SYN3: variants seen among roughly 807,000 people sequenced by gnomAD.
SYN3 encodes synapsin-3.
Under a neutral mutation model 65.8 loss-of-function variants are expected in SYN3, and 35 were observed. The ratio of observed to expected loss-of-function variants is 0.53; its 90% CI spans 0.41 to 0.70. SYN3 has a LOEUF of 0.70. Among genes scored for constraint, SYN3 ranks in the 30% least tolerant of loss-of-function variants. The pLI, the probability that SYN3 is intolerant of heterozygous loss-of-function variation, is 0.00. For synonymous variants in SYN3, 270 were observed against 292.9 expected, an observed-to-expected ratio of 0.92 and a Z score of 0.80; for missense variants, 680 against 749.0, an observed-to-expected ratio of 0.91 and a Z score of 1.08.
At chr22:32,674,386 A>G (rs2060412429) in intron 6 of SYN3, among the ~76,000 whole-genome samples, 1 of 152,162 alleles carries the variant, frequency 6.6e-6, no homozygotes, top group Non-Finnish European at 1.5e-5. Context: ...TCTCATGCAA[A>G]TCTGCCACCA....
chr22:32,991,478 G>A (rs1011647993), intron 2 of SYN3, among the ~76,000 whole-genome samples: 5 of 152,148 alleles, frequency 3.3e-5, no homozygotes, highest in Non-Finnish European at 7.4e-5. Flanking sequence ...AACTGGCTGC[G>A]GGGCCTGCAG....
intron 7 of SYN3, among the ~76,000 whole-genome samples, chr22:32,579,703 C>T (rs1271620326): frequency 1.3e-5 from 2 of 152,160 alleles, no homozygotes; most frequent in African/African-American, 4.8e-5. Context: ...GTGTCCTTGC[C>T]CCAGCCGCTT....
At position 33,006,477 on chromosome 22, in the gene SYN3, G is replaced by A; in HGVS notation, c.186C>T (p.Ser62=). The A allele has an allele frequency of 1.9e-6, 3 of 1,614,212 alleles. No individual in the cohort carries two copies. The South Asian group carries it at 3.3e-5, about 18-fold the overall frequency. ...GGGCCTGCTTCATGGCACTGGAGAG[G>A]GAGCTAAAAAGGCTGGATCCTGGAG... The part of the protein sequence containing the change: ...FSSPGSSLFS[S]LSSAMKQAPQ... Residue 62 remains serine (S), a synonymous_variant, in exon 2 of 14, where the codon TCC becomes TCT. Coordinates refer to ENST00000358763, the MANE Select transcript of SYN3 (RefSeq NM_003490.4).
intron 2 of SYN3, among the ~76,000 whole-genome samples, chr22:32,989,952 T>C (rs1233217601): frequency 1.3e-5 from 2 of 151,688 alleles, no homozygotes; most frequent in African/African-American, 4.8e-5. Context: ...ACACTCTTCA[T>C]ACCACAGAAA....
chr22:32,676,733 C>T (rs1457151455), intron 6 of SYN3, among the ~76,000 whole-genome samples: 3 of 147,846 alleles, frequency 2.0e-5, no homozygotes, highest in Non-Finnish European at 3.0e-5. Flanking sequence ...TTAGTAGAGA[C>T]GGGGTTTCAC....
At chr22:32,981,453 C>T (rs905385242) in intron 2 of SYN3, among the ~76,000 whole-genome samples, 11 of 151,708 alleles carry the variant, frequency 7.3e-5, no homozygotes, top group African/African-American at 2.7e-4. Context: ...GGCATGGTGG[C>T]ACATGCATGT....
In SYN3 at chr22:32,786,523, C is replaced by T. The variant is rs565411812; in HGVS notation, c.711+78392G>A. On this transcript the variant is annotated intron_variant, in intron 6 of 13. Coordinates refer to ENST00000358763, the MANE Select transcript of SYN3 (RefSeq NM_003490.4). ...GACTACAGGTGCCCGCCACCACGCCCGGCAAATTTTTTGTATTTTTCATAG... is the reference window on the plus strand; with the variant it reads ...GACTACAGGTGCCCGCCACCACGCCTGGCAAATTTTTTGTATTTTTCATAG... 1.2e-4 allele frequency among the ~76,000 whole-genome samples: 19 copies of T among 152,118 alleles called. No individual in the cohort carries two copies. In the South Asian group the frequency reaches 2.5e-3, roughly 20 times the overall value.
intron 6 of SYN3, among the ~76,000 whole-genome samples, chr22:32,728,966 C>G (rs1249023116): frequency 6.6e-6 from 1 of 152,202 alleles, no homozygotes; most frequent in Non-Finnish European, 1.5e-5. Context: ...TGCCTGGGAA[C>G]TGACCACAGA....
chr22:32,749,230 C>CT (rs1294203071), intron 6 of SYN3, among the ~76,000 whole-genome samples: 14 of 151,912 alleles, frequency 9.2e-5, no homozygotes, highest in Non-Finnish European at 1.8e-4. Context: ...TTTCTGGGGT[C>CT]TTTTTTACAA....
intron 3 of SYN3, among the ~76,000 whole-genome samples, chr22:32,971,448 G>A (rs1030855147): frequency 1.3e-5 from 2 of 152,200 alleles, no homozygotes; most frequent in Non-Finnish European, 2.9e-5. Flanking sequence ...ACAAAACAAG[G>A]CTTAGTGGAT....
At chr22:32,875,136 T>C (rs2048949817) in intron 4 of SYN3, among the ~76,000 whole-genome samples, 1 of 152,146 alleles carries the variant, frequency 6.6e-6, no homozygotes, top group African/African-American at 2.4e-5. Context: ...AGAAATTAGG[T>C]GGCAGCCAAC....
chr22:32,955,465 C>T (rs936207456), intron 3 of SYN3, among the ~76,000 whole-genome samples: 3 of 152,068 alleles, frequency 2.0e-5, no homozygotes, highest in African/African-American at 7.2e-5. Context: ...GGATGAGGGG[C>T]CCAGGCAAAG....
intron 8 of SYN3, among the ~76,000 whole-genome samples, chr22:32,540,516 A>G (rs977754683): frequency 6.6e-6 from 1 of 152,252 alleles, no homozygotes; most frequent in Non-Finnish European, 1.5e-5. Flanking sequence ...AGTGGAACTA[A>G]CAATAACATT....
At chr22:32,633,958 G>A (rs780936153) in intron 6 of SYN3, among the ~76,000 whole-genome samples, 22 of 151,962 alleles carry the variant, frequency 1.4e-4, no homozygotes, top group East Asian at 3.9e-4. Flanking sequence ...AGCTGGCACC[G>A]GCAAAGACTT....
At chr22:32,710,109 GTA>G (rs781066279) in intron 6 of SYN3, among the ~76,000 whole-genome samples, 34 of 91,802 alleles carry the variant, frequency 3.7e-4, no homozygotes, top group African/African-American at 6.5e-4. Flanking sequence ...ATGTGTGTGT[GTA>G]TGTGTGTGTG....
At chr22:32,706,783 T>A (rs1004684602) in intron 6 of SYN3, among the ~76,000 whole-genome samples, 1 of 152,284 alleles carries the variant, frequency 6.6e-6, no homozygotes, top group African/African-American at 2.4e-5. Context: ...CCCACTGTTT[T>A]CTTTTGCCTC....
At chr22:32,761,533 C>A (rs986326343) in intron 6 of SYN3, among the ~76,000 whole-genome samples, 2 of 152,150 alleles carry the variant, frequency 1.3e-5, no homozygotes, top group Non-Finnish European at 2.9e-5. Context: ...TGGGATTTAG[C>A]CAGCTTGCTC....
At chr22:32,739,063 T>C (rs552855766) in intron 6 of SYN3, among the ~76,000 whole-genome samples, 4 of 152,352 alleles carry the variant, frequency 2.6e-5, no homozygotes, top group Non-Finnish European at 5.9e-5. Flanking sequence ...ATGTTACTTA[T>C]TGTGTCTGAT....
chr22:32,748,523 C>A (rs2045009415), intron 6 of SYN3, among the ~76,000 whole-genome samples: 1 of 152,208 alleles, frequency 6.6e-6, no homozygotes, highest in South Asian at 2.1e-4. Flanking sequence ...AAAAGTTGAT[C>A]TTCCCCTCTT....
Sources: gnomAD v4.1 joint callset for allele counts (sites outside exome capture counted in the v4.1 genomes callset) on GRCh38, gnomAD v4.1.1 for gene constraint, MANE v1.5 for transcripts, NCBI Gene and HGNC (gene_info 2026-07-23, HGNC 2026-07-21) for gene names.